TBC1D15: variants seen among roughly 807,000 people sequenced by gnomAD.
The protein encoded by TBC1D15 is TBC1 domain family member 15, also known as GAP for RAB7.
A neutral mutation model predicts 95.4 loss-of-function variants in TBC1D15; 39 were observed. The ratio of observed to expected loss-of-function variants is 0.41; its 90% CI spans 0.32 to 0.53. The LOEUF is 0.53. Among genes scored for constraint, TBC1D15 ranks in the 20% least tolerant of loss-of-function variants. The pLI is 0.29. For synonymous variants in TBC1D15, 258 were observed against 261.3 expected (o/e 0.99, Z 0.12); for missense variants, 733 against 794.3 (o/e 0.92, Z 0.93).
chr12:71,894,389 A>T, intron 6 of TBC1D15: 1 of 1,612,294 alleles, frequency 6.2e-7, no homozygotes, highest in Non-Finnish European at 8.5e-7. Context: ...AGCACTGCGT[A>T]TGTTTTCTGA....
At chr12:71,921,483 T>C in intron 16 of TBC1D15, 29 bp downstream of exon 16, 2 of 1,328,746 alleles carry the variant, frequency 1.5e-6, no homozygotes, top group Non-Finnish European at 1.0e-6. Context: ...AATTGCAAGA[T>C]TTGTTTGTTT....
At chr12:71,858,262 G>A (rs1034170285) in intron 1 of TBC1D15, among the ~76,000 whole-genome samples, 3 of 151,918 alleles carry the variant, frequency 2.0e-5, no homozygotes, top group African/African-American at 7.3e-5. Flanking sequence ...AGTAGAGATG[G>A]GGTTTCTCCA....
At chr12:71,859,595 C>G (rs1056008067) in intron 1 of TBC1D15, among the ~76,000 whole-genome samples, 5 of 151,100 alleles carry the variant, frequency 3.3e-5, no homozygotes, top group Admixed American at 6.6e-5. Flanking sequence ...TTGGATCTTA[C>G]ATTTAAGCTT....
intron 4 of TBC1D15, among the ~76,000 whole-genome samples, chr12:71,881,776 G>T (rs1253893664): frequency 1.3e-5 from 2 of 152,120 alleles, no homozygotes; most frequent in Admixed American, 1.3e-4. Flanking sequence ...AATTAGCCGG[G>T]CGTGGTGGCG....
chr12:71,846,783 A>G (rs560462844), intron 1 of TBC1D15, among the ~76,000 whole-genome samples: 4 of 133,106 alleles, frequency 3.0e-5, no homozygotes, highest in African/African-American at 5.8e-5. Context: ...TTGCCCTGAG[A>G]CATGGCCTTG....
chr12:71,869,239 A>G (rs1892152792), intron 1 of TBC1D15, among the ~76,000 whole-genome samples: 1 of 152,084 alleles, frequency 6.6e-6, no homozygotes, highest in Non-Finnish European at 1.5e-5. Flanking sequence ...AAAACAACTC[A>G]GGGCTGGGTG....
chr12:71,851,857 C>G (rs990675637), intron 1 of TBC1D15, among the ~76,000 whole-genome samples: 2 of 152,170 alleles, frequency 1.3e-5, no homozygotes, highest in Admixed American at 1.3e-4. Context: ...GTGCCTGTGG[C>G]TTTTCCAGGC....
chr12:71,850,714 C>T (rs556277890), intron 1 of TBC1D15, among the ~76,000 whole-genome samples: 3 of 152,200 alleles, frequency 2.0e-5, no homozygotes, highest in East Asian at 3.9e-4. Context: ...TGAGGCCGGG[C>T]GCAGTGGCTC....
At chr12:71,868,892 C>T (rs774048993) in intron 1 of TBC1D15, 6 of 152,066 alleles carry the variant, frequency 3.9e-5, no homozygotes, top group Admixed American at 6.5e-5. Flanking sequence ...CTGAGTCTTA[C>T]GTGAAAATAT....
At chr12:71,850,901 C>T (rs989431217) in intron 1 of TBC1D15, among the ~76,000 whole-genome samples, 24 of 146,480 alleles carry the variant, frequency 1.6e-4, no homozygotes, top group African/African-American at 5.4e-4. Flanking sequence ...GCAGGAGAAT[C>T]GCTTGAACCC....
intron 15 of TBC1D15, 53 bp from the exon 16 acceptor site, chr12:71,921,315 A>C: frequency 9.7e-7 from 1 of 1,029,016 alleles, no homozygotes; most frequent in Non-Finnish European, 1.4e-6. Flanking sequence ...ATATAATAGA[A>C]TATAATAGTG....
chr12:71,854,171 T>C (rs966888366), intron 1 of TBC1D15, among the ~76,000 whole-genome samples: 3 of 152,230 alleles, frequency 2.0e-5, no homozygotes, highest in African/African-American at 7.2e-5. Flanking sequence ...CTCACTTCAT[T>C]TGGTTCCTTT....
intron 11 of TBC1D15, among the ~76,000 whole-genome samples, chr12:71,912,670 C>T (rs995425811): frequency 2.0e-5 from 3 of 152,092 alleles, no homozygotes; most frequent in Admixed American, 6.6e-5. Context: ...TCTCCTCCCT[C>T]TTTCATTAAA....
chr12:71,846,049 A>G (rs949782330), intron 1 of TBC1D15, among the ~76,000 whole-genome samples: 1 of 152,194 alleles, frequency 6.6e-6, no homozygotes, highest in African/African-American at 2.4e-5. Flanking sequence ...CATTCTGTCT[A>G]AAAGTTGAAT....
At chr12:71,875,265 T>C (rs1893551372) in intron 3 of TBC1D15, among the ~76,000 whole-genome samples, 1 of 152,196 alleles carries the variant, frequency 6.6e-6, no homozygotes, top group Admixed American at 6.5e-5. Context: ...TCTTTATATA[T>C]TCTGGATATA....
At chr12:71,878,495 G>T (rs904772696) in intron 3 of TBC1D15, among the ~76,000 whole-genome samples, 1 of 151,632 alleles carries the variant, frequency 6.6e-6, no homozygotes, top group African/African-American at 2.4e-5. Context: ...ATAGGGTTAG[G>T]GTTAATAGGG....
rs564100663 is a variant in TBC1D15 at position 71,901,306 on chromosome 12, G to A, written c.1183+3365G>A. On this transcript the variant is annotated intron_variant, in intron 10 of 16. Transcript: ENST00000485960. ...CAAAGCATTGGGATTATAAATATGA[G>A]CCACTGTGCCCAGCCAATATTGCTG... Among the ~76,000 whole-genome samples, 4 of 152,194 alleles carry A rather than the reference G, an allele frequency of 2.6e-5. No homozygotes were observed. In the South Asian group the frequency reaches 8.3e-4, roughly 32 times the overall value.
chr12:71,867,069 A>G (rs1891654532), intron 1 of TBC1D15, among the ~76,000 whole-genome samples: 1 of 152,244 alleles, frequency 6.6e-6, no homozygotes. Context: ...AACCAAGATG[A>G]TATGAAAAGG....
rs533549027 is a variant in TBC1D15 at position 71,920,031 on chromosome 12, C to T, written c.1600-700C>T. Among the ~76,000 whole-genome samples, 10 of 152,142 alleles carry T rather than the reference C, an allele frequency of 6.6e-5. No individual in the cohort carries two copies. In the South Asian group the frequency reaches 1.5e-3, roughly 22 times the overall value. ...CCTTTTGAAAGAAGTAAACACATTT[C>T]GGGTATGATCTCATGGTATGGTTTG... On this transcript the variant is annotated intron_variant, in intron 14 of 16. Coordinates refer to ENST00000485960, the MANE Select transcript of TBC1D15 (RefSeq NM_001146213.3).
Sources: allele counts gnomAD v4.1 joint callset (sites outside exome capture counted in the v4.1 genomes callset), GRCh38; gene constraint gnomAD v4.1.1; transcripts MANE v1.5; gene names NCBI Gene and HGNC (gene_info 2026-07-23, HGNC 2026-07-21).